Variants in PSD observed in about 807,000 individuals in gnomAD.
PSD encodes the protein PH and SEC7 domain-containing protein 1.
Under a neutral mutation model 91.6 loss-of-function variants are expected in PSD, and 32 were observed. That is an observed-to-expected ratio of 0.35 (90% CI 0.26 to 0.47). The LOEUF is 0.47. Among genes scored for constraint, PSD ranks in the 20% least tolerant of loss-of-function variants. The pLI is 1.00. For missense variants in PSD, 1,099 were observed against 1,373.9 expected (o/e 0.80, Z 3.16); for synonymous variants, 532 against 569.3 (o/e 0.93, Z 0.93).
rs116531486 is a variant in PSD, at chr10:102,411,205, C to A, written c.1943-89G>T. ...CCAACCTCCCATTTCATCCCCACCC[C>A]CTTTGGCCGGCAACTTCCTACCTCC... On this transcript the variant is annotated intron_variant, in intron 8 of 16. Transcript: ENST00000020673. 77 of 1,350,634 alleles carry A rather than the reference C, an allele frequency of 5.7e-5. No individual in the cohort carries two copies. In the African/African-American group the frequency reaches 1.0e-3, roughly 18 times the overall value. 83.7% of individuals were successfully genotyped at this position (1,350,634 alleles called of 1,614,324 possible).
Position 102,418,781 on chromosome 10 carries a change from C to T in PSD, c.-164G>A. 1 of 455,308 alleles carries T rather than the reference C, an allele frequency of 2.2e-6. No individual in the cohort carries two copies. Among genetic ancestry groups the T allele is most frequent in the Non-Finnish European group, 4.4e-6 (1 of 226,482 alleles). 28.2% of individuals were successfully genotyped at this position (455,308 alleles called of 1,614,324 possible). The stretch of plus-strand genomic sequence containing the variant: ...TGAGCTGTGAAGGCAGCGCGGCTCC[C>T]GTTTGCTCCAGGCCCGCCCGCCTCT... On this transcript the variant is annotated 5_prime_UTR_variant, in exon 1 of 17. Transcript: ENST00000020673.
chr10:102,413,148 C>T (rs1436936400), intron 5 of PSD, among the ~76,000 whole-genome samples: 2 of 152,130 alleles, frequency 1.3e-5, no homozygotes, highest in African/African-American at 4.8e-5. Flanking sequence ...CCTCCCCTTC[C>T]CACCCCAGCT....
rs765054631 is a variant in PSD, at chr10:102,414,916, T to C, written c.1071A>G (p.Ala357=). The change falls in exon 4 of 17, where the codon GCA becomes GCG. Residue 357 remains alanine (A), a synonymous_variant. Transcript: ENST00000020673. This position sits in a 1 kb window ranked among gnomAD's most constrained non-coding sequence, Gnocchi z 5.6. ...CGTCGTCCACATCTTCTTCCCCACC[T>C]GCCTCATCGTCGTCCTCATCCTCAT... is the stretch of plus-strand genomic sequence containing the variant. ...SGNEDEDDDE[A]GGEEDVDDEV... 5.7e-5 allele frequency: 87 copies of C among 1,516,844 alleles called. No homozygotes were observed. The highest frequency in any genetic ancestry group is 7.0e-5 in the Non-Finnish European group (79 of 1,129,216). 94.0% of individuals were successfully genotyped at this position (1,516,844 alleles called of 1,614,324 possible). A position where few individuals can be genotyped will look rare whatever the true frequency, so the allele number is the denominator to read the frequency against.
rs374445350 is a variant in PSD at position 102,407,205 on chromosome 10, C to G, written c.2135+18G>C. ...CCCATGCCCCATCCTAGCCCCACCA[C>G]GCAGCCCCGGGACTCACATGGCCCA... On this transcript the variant is annotated intron_variant, in intron 11 of 16. Transcript: ENST00000020673. 1.3e-6 allele frequency: 2 copies of G among 1,599,972 alleles called. No individual in the cohort carries two copies. The highest frequency in any genetic ancestry group is 1.7e-5 in the Admixed American group (1 of 59,060).
Position 102,417,039 on chromosome 10 carries a change from G to A in PSD, c.-1C>T. On this transcript the variant is annotated 5_prime_UTR_variant, in exon 2 of 17. Transcript: ENST00000020673. ...AGAAGCGCATGGCACCCTGGGCCAT[G>A]CTGGGGCCGGGGGTCAGGCTGGGGG... is the stretch of plus-strand genomic sequence containing the variant. 6.5e-7 allele frequency: 1 copy of A among 1,534,874 alleles called. No homozygotes were observed. Among genetic ancestry groups the A allele is most frequent in the Non-Finnish European group, 8.7e-7 (1 of 1,148,866 alleles).
intron 11 of PSD, 91 bp downstream of exon 11, chr10:102,407,132 C>T: frequency 1.6e-6 from 2 of 1,222,386 alleles, no homozygotes; most frequent in Admixed American, 3.0e-5. Context: ...CCCCTACCCC[C>T]ACCCAGGGCC....
Position 102,409,242 on chromosome 10 carries a change from G to C in PSD, c.2091+1616C>G. On this transcript the variant is annotated intron_variant, in intron 10 of 16. Coordinates refer to ENST00000020673, the MANE Select transcript of PSD (RefSeq NM_002779.5). The surrounding 1 kb of genome is among the most constrained non-coding windows in gnomAD (Gnocchi z 5.7). ...GCCGGCCCGGCTCTCACGGACGCAC[G>C]GAGTGCGCGGCGGCGGCGGCGGCGC... is the stretch of plus-strand genomic sequence containing the variant. 3 of 984,450 alleles carry C rather than the reference G, an allele frequency of 3.0e-6. No homozygotes were observed. Among genetic ancestry groups the C allele is most frequent in the East Asian group, 1.1e-4 (1 of 8,760 alleles). 61.0% of individuals were successfully genotyped at this position (984,450 alleles called of 1,614,324 possible).
Position 102,411,123 on chromosome 10 carries a change from G to T in PSD, c.1943-7C>A, listed in dbSNP as rs373791243. The T allele has an allele frequency of 1.2e-6, 2 of 1,600,952 alleles. No individual in the cohort carries two copies. The highest frequency in any genetic ancestry group is 1.7e-6 in the Non-Finnish European group (2 of 1,170,704). On this transcript the variant is annotated splice_region_variant and splice_polypyrimidine_tract_variant and intron_variant, in intron 8 of 16. Coordinates refer to ENST00000020673, the MANE Select transcript of PSD (RefSeq NM_002779.5). ...GTCAGCGTGTGGGCGCCGTCTAGGGGAGAGCTGACTTTCAGCCTTGGCTGC... is the reference window on the plus strand; with the variant it reads ...GTCAGCGTGTGGGCGCCGTCTAGGGTAGAGCTGACTTTCAGCCTTGGCTGC...
rs45534636 is a variant in PSD at position 102,402,696 on chromosome 10, G to C, written c.*504C>G. The C allele has an allele frequency of 4.0e-4, 125 of 315,784 alleles. No homozygotes were observed. In the Admixed American group the frequency reaches 4.9e-3, roughly 12 times the overall value. The allele number at this position is 315,784 out of a possible 1,614,324, so 19.6% of individuals were successfully genotyped here. ...CACTGAAGCGGGGGAAAGCCAGGCC[G>C]TGCTGCCCCCGGCCCAGGTATGGGG... On this transcript the variant is annotated 3_prime_UTR_variant, in exon 17 of 17. Coordinates refer to ENST00000020673, the MANE Select transcript of PSD (RefSeq NM_002779.5).
Position 102,405,101 on chromosome 10 carries a change from C to G in PSD, c.2398-46G>C, listed in dbSNP as rs769850645. On this transcript the variant is annotated intron_variant, in intron 13 of 16. Transcript: ENST00000020673. The surrounding 1 kb of genome is among the most constrained non-coding windows in gnomAD (Gnocchi z 5.4). Reference sequence around the variant, plus strand: ...TCCTGGCCCCAAATGCAGCCTGGCCCAGCCCCTCCTATTCCCACCCATCAC... The same window carrying G: ...TCCTGGCCCCAAATGCAGCCTGGCCGAGCCCCTCCTATTCCCACCCATCAC... 1.2e-6 allele frequency: 2 copies of G among 1,611,334 alleles called. No individual in the cohort carries two copies. The highest frequency in any genetic ancestry group is 1.7e-6 in the Non-Finnish European group (2 of 1,178,764).
At chr10:102,411,035 C>G in intron 9 of PSD, 23 bp downstream of exon 9, 1 of 1,612,930 alleles carries the variant, frequency 6.2e-7, no homozygotes, top group Non-Finnish European at 8.5e-7. Flanking sequence ...TTTTCCGGCT[C>G]CTGCCCGCCC....
chr10:102,416,429 C>A lies in PSD; in HGVS notation c.610G>T (p.Ala204Ser), dbSNP rs1267940094. 9.3e-6 allele frequency: 15 copies of A among 1,610,512 alleles called. No homozygotes were observed. Among genetic ancestry groups the A allele is most frequent in the Non-Finnish European group, 1.1e-5 (13 of 1,178,650 alleles). Residue 204 changes from alanine (A) to serine (S), a missense_variant, in exon 2 of 17, where the codon GCC (alanine) becomes TCC (serine). Physicochemically the swap from Ala to Ser is moderately conservative, Grantham distance 99 (BLOSUM62 1). This residue lies in a region of PSD where 631 missense variants were observed against 728.8 expected (regional missense o/e 0.87). Coordinates refer to ENST00000020673, the MANE Select transcript of PSD (RefSeq NM_002779.5). The surrounding 1 kb of genome is among the most constrained non-coding windows in gnomAD (Gnocchi z 6.0). The stretch of plus-strand genomic sequence containing the variant: ...TCAGCAGGTCCTCCGAAGAGTGTGG[C>A]CAGGCGCTCAGGGGGGCCCCCCAGC... ...NGLGGPPERLATLFGGPADTG... is the reference protein window; with the variant it reads ...NGLGGPPERLSTLFGGPADTG...
chr10:102,418,248 G>A (rs942990407), intron 1 of PSD, among the ~76,000 whole-genome samples: 1 of 151,926 alleles, frequency 6.6e-6, no homozygotes, highest in Non-Finnish European at 1.5e-5. Flanking sequence ...GTAATGAAAA[G>A]GCACATGCTT....
In PSD at chr10:102,414,777, C is replaced by G. The variant is rs1009043421; in HGVS notation, c.1124+86G>C. ...CCCCACACCCATCTCTATCCCAGGC[C>G]CTTTGAGCCCGGCTCTGCCTGTGGG... On this transcript the variant is annotated intron_variant, in intron 4 of 16. Transcript: ENST00000020673. This position sits in a 1 kb window ranked among gnomAD's most constrained non-coding sequence, Gnocchi z 5.6. The G allele has an allele frequency of 1.6e-5, 24 of 1,458,748 alleles. No individual in the cohort carries two copies. The African/African-American group carries it at 2.4e-4, about 15-fold the overall frequency. The allele number at this position is 1,458,748 out of a possible 1,614,324, so 90.4% of individuals were successfully genotyped here.
Position 102,405,348 on chromosome 10 carries a change from T to C in PSD, c.2324A>G (p.Lys775Arg), listed in dbSNP as rs750407120. ...RKVHADPDCR[K>R]TPRGKRGWKS... is the part of the protein sequence containing the mutation. ...CCCCCCGCAACTCGGCCACATACTC[T>C]TCCTGCAGTCAGGGTCTGCGTGCAC... The change falls in exon 12 of 17, where the codon AAG becomes AGG. Residue 775 changes from lysine (K) to arginine (R), a missense_variant and splice_region_variant. Lys to Arg is a conservative substitution (Grantham distance 26, BLOSUM62 2). Transcript: ENST00000020673. This position sits in a 1 kb window ranked among gnomAD's most constrained non-coding sequence, Gnocchi z 5.4. 6.2e-6 allele frequency: 10 copies of C among 1,610,848 alleles called. No individual in the cohort carries two copies. In the East Asian group the frequency reaches 2.0e-4, roughly 32 times the overall value.
chr10:102,415,348 C>T, intron 3 of PSD, 119 bp from the exon 4 acceptor site: 1 of 1,213,092 alleles, frequency 8.2e-7, no homozygotes, highest in Non-Finnish European at 1.1e-6. Context: ...CACTGTCTAG[C>T]CACCATTCCT....
chr10:102,407,656 T>C, intron 10 of PSD, among the ~76,000 whole-genome samples: 1 of 151,906 alleles, frequency 6.6e-6, no homozygotes, highest in Non-Finnish European at 1.5e-5. Context: ...CCCAAGAAAT[T>C]CCCCTTCCCC....
Position 102,412,436 on chromosome 10 carries a change from G to A in PSD, c.1693C>T (p.Leu565=), listed in dbSNP as rs772511738. ...TTCCTGAAGCCATCTAGTCGGTACA[G>A]CCTCTTGGCCAGGCGCTGCGCAGCC... The part of the protein sequence containing the change: ...LEAAQRLAKR[L]YRLDGFRKAD... Residue 565 remains leucine (L), a synonymous_variant, in exon 6 of 17, where the codon CTG becomes TTG. Transcript: ENST00000020673. 5 of 1,614,066 alleles carry A rather than the reference G, an allele frequency of 3.1e-6. No individual in the cohort carries two copies. The highest frequency in any genetic ancestry group is 4.2e-6 in the Non-Finnish European group (5 of 1,180,052).
chr10:102,413,993 C>T lies in PSD; in HGVS notation c.1329G>A (p.Glu443=), dbSNP rs774484666. 6.8e-6 allele frequency: 11 copies of T among 1,613,800 alleles called. No homozygotes were observed. The highest frequency in any genetic ancestry group is 3.3e-5 in the Admixed American group (2 of 60,000). ...GPTQSPFFTF[E]LPPQPPAPRP... is the part of the protein sequence containing the mutation. ...GGGGTGCAGGGGGTTGGGGAGGCAG[C>T]TCAAAGGTGAAGAAGGGGCTCTGGG... Residue 443 remains glutamate (E), a synonymous_variant, in exon 5 of 17, where the codon GAG becomes GAA. Transcript: ENST00000020673.
Sources: gnomAD v4.1 joint callset for allele counts (sites outside exome capture counted in the v4.1 genomes callset) on GRCh38, gnomAD v4.1.1 for gene constraint, gnomAD v4.1.1 regional missense constraint, Gnocchi (gnomAD v3.1) non-coding constraint, MANE v1.5 for transcripts, NCBI Gene and HGNC (gene_info 2026-07-23, HGNC 2026-07-21) for gene names.